SH3RF1: variants seen among roughly 807,000 people sequenced by gnomAD.
The protein encoded by SH3RF1 is E3 ubiquitin-protein ligase SH3RF1.
A neutral mutation model predicts 74.0 loss-of-function variants in SH3RF1; 32 were observed. The observed-to-expected ratio is 0.43, with a 90% CI of 0.33 to 0.58. The LOEUF is 0.58. Ranked by LOEUF, SH3RF1 falls within the 20% of genes least tolerant of loss-of-function variation. The probability of loss-of-function intolerance (pLI) is 0.05; values close to 1 mark genes in which losing one functional copy is unlikely to be tolerated. For missense variants in SH3RF1, 954 were observed against 1,130.9 expected, an observed-to-expected ratio of 0.84 and a Z score of 2.24; for synonymous variants, 396 against 439.6, an observed-to-expected ratio of 0.90 and a Z score of 1.24.
chr4:169,180,975 C>T (rs760121780), intron 2 of SH3RF1, among the ~76,000 whole-genome samples: 3 of 152,192 alleles, frequency 2.0e-5, no homozygotes, highest in Non-Finnish European at 4.4e-5. Flanking sequence ...TTTCTTTTCT[C>T]TTTACTCACA....
At chr4:169,161,477 T>G (rs1446263677) in intron 2 of SH3RF1, among the ~76,000 whole-genome samples, 2 of 152,222 alleles carry the variant, frequency 1.3e-5, no homozygotes, top group Non-Finnish European at 2.9e-5. Context: ...GGTATTCCAA[T>G]ACATCTGGCA....
At chr4:169,182,751 C>T (rs1036716900) in intron 2 of SH3RF1, among the ~76,000 whole-genome samples, 13 of 151,926 alleles carry the variant, frequency 8.6e-5, no homozygotes, top group Non-Finnish European at 1.6e-4. Context: ...GTGTAAAGAA[C>T]GATACACTGA....
In SH3RF1 at chr4:169,107,010, C is replaced by T. The variant is rs760639487; in HGVS notation, c.2335G>A (p.Gly779Arg). 18 of 1,613,794 alleles carry T rather than the reference C, an allele frequency of 1.1e-5. No homozygotes were observed. Among genetic ancestry groups the T allele is most frequent in the South Asian group, 4.4e-5 (4 of 91,078 alleles). Reference protein sequence around the residue: ...RAGSCPVDGDGPVTTAVAGAA... With the variant: ...RAGSCPVDGDRPVTTAVAGAA... ...CCTGCCACTGCAGTCGTGACCGGTC[C>T]GTCCCCGTCCACAGGGCAGGAGCCT... The change falls in exon 11 of 12, where the codon GGA becomes AGA. Residue 779 changes from glycine to arginine, a missense_variant. Gly to Arg is a moderately radical substitution (Grantham distance 125). Transcript: ENST00000284637.
chr4:169,263,156 C>T (rs550569185), intron 2 of SH3RF1, among the ~76,000 whole-genome samples: 3 of 152,274 alleles, frequency 2.0e-5, no homozygotes, highest in South Asian at 4.2e-4. Context: ...CTCCTTTGTC[C>T]GTCAGTGTTT....
chr4:169,255,136 A>G (rs2110750854), intron 2 of SH3RF1, among the ~76,000 whole-genome samples: 1 of 152,334 alleles, frequency 6.6e-6, no homozygotes, highest in African/African-American at 2.4e-5. Context: ...TTTAGAAGAG[A>G]CTTTCTAAAA....
intron 11 of SH3RF1, among the ~76,000 whole-genome samples, chr4:169,103,187 T>G (rs751409013): frequency 2.0e-4 from 30 of 150,082 alleles, no homozygotes; most frequent in Non-Finnish European, 3.8e-4. Flanking sequence ...CCACCCACCT[T>G]GGCCTCCCAA....
chr4:169,116,758 T>A (rs1177454414), intron 9 of SH3RF1, 128 bp from the exon 10 acceptor site: 2 of 1,272,260 alleles, frequency 1.6e-6, no homozygotes, highest in African/African-American at 3.0e-5. Flanking sequence ...ACAATAAAGA[T>A]GGGATGGACG....
rs1185019037 is a variant in SH3RF1, at chr4:169,203,680, TTTGG to T, written c.394-47005_394-47002del. Reference sequence around the variant, plus strand: ...AAAAGAATGTAAGCTGTTTTGCTTGTTTGGTTGAAGATACACTTATACCTAGAAC... The same window carrying T: ...AAAAGAATGTAAGCTGTTTTGCTTGTTTGAAGATACACTTATACCTAGAAC... On this transcript the variant is annotated intron_variant, in intron 2 of 11. Transcript: ENST00000284637. Among the ~76,000 whole-genome samples the T allele has an allele frequency of 6.6e-5, 10 of 152,324 alleles. No individual in the cohort carries two copies. In the East Asian group the frequency reaches 1.7e-3, roughly 26 times the overall value.
chr4:169,152,874 G>A (rs551544003), intron 4 of SH3RF1, among the ~76,000 whole-genome samples: 42 of 152,326 alleles, frequency 2.8e-4, no homozygotes, highest in Non-Finnish European at 5.4e-4. Flanking sequence ...AGGACAGGAA[G>A]AGAGGGCAAA....
chr4:169,255,828 C>T (rs1385646729), intron 2 of SH3RF1, among the ~76,000 whole-genome samples: 8 of 151,788 alleles, frequency 5.3e-5, no homozygotes, highest in Non-Finnish European at 8.8e-5. Flanking sequence ...AGTGCAGTGG[C>T]GTGATCATGG....
Position 169,094,689 on chromosome 4 carries a change from C to T in SH3RF1, c.*1830G>A, listed in dbSNP as rs570225926. The T allele has an allele frequency of 3.3e-5, 5 of 151,918 alleles. No individual in the cohort carries two copies. The South Asian group carries it at 1.0e-3, about 32-fold the overall frequency. The allele number at this position is 151,918 out of a possible 1,614,324, so 9.4% of individuals were successfully genotyped here. On this transcript the variant is annotated 3_prime_UTR_variant, in exon 12 of 12. Coordinates refer to ENST00000284637, the MANE Select transcript of SH3RF1 (RefSeq NM_020870.4). ...TGCCAGCTTTTTCCTAACTAAAGTT[C>T]ATTTCACCAAACCTTTATATATTAC...
In SH3RF1 at chr4:169,269,140, C is replaced by T; in HGVS notation, c.73G>A (p.Val25Ile). 6.2e-7 allele frequency: 1 copy of T among 1,613,464 alleles called. No homozygotes were observed. The change falls in exon 2 of 12, where the codon GTC becomes ATC. Residue 25 changes from valine (V) to isoleucine (I), a missense_variant. Transcript: ENST00000284637. The stretch of plus-strand genomic sequence containing the variant: ...CAAAACGTATGCTGGCAAGGCAAGA[C>T]CTTCGCAGAAGCATCAAGGCGCTCT... ...CLERLDASAK[V>I]LPCQHTFCKR...
At chr4:169,213,639 T>C (rs1214037987) in intron 2 of SH3RF1, among the ~76,000 whole-genome samples, 8 of 152,216 alleles carry the variant, frequency 5.3e-5, no homozygotes, top group Non-Finnish European at 1.0e-4. Flanking sequence ...TGGAGTTTCA[T>C]AGTTTTGTGT....
chr4:169,172,608 G>A (rs1320529982), intron 2 of SH3RF1, among the ~76,000 whole-genome samples: 1 of 152,182 alleles, frequency 6.6e-6, no homozygotes, highest in Non-Finnish European at 1.5e-5. Flanking sequence ...ATGGGGCTAA[G>A]TTGACAAGGG....
chr4:169,156,828 T>C, intron 2 of SH3RF1, 149 bp from the exon 3 acceptor site: 1 of 706,000 alleles, frequency 1.4e-6, no homozygotes, highest in East Asian at 2.7e-5. Flanking sequence ...AATATATATG[T>C]GTTACCAATA....
intron 2 of SH3RF1, among the ~76,000 whole-genome samples, chr4:169,212,021 A>G (rs1730382944): frequency 1.3e-5 from 2 of 150,252 alleles, no homozygotes; most frequent in Admixed American, 1.3e-4. Flanking sequence ...AGGTTTCTAT[A>G]AGATCTTGTT....
At chr4:169,122,014 ATGTCAGAAAGG>A (rs1733443684) in intron 7 of SH3RF1, 75 bp downstream of exon 7, 2 of 1,545,394 alleles carry the variant, frequency 1.3e-6, no homozygotes, top group Non-Finnish European at 1.8e-6. Context: ...TCATCAGCTC[ATGTCAGAAAGG>A]TGTTTCTTGA....
chr4:169,260,115 AGGAGAGC>A (rs1561067302), intron 2 of SH3RF1, among the ~76,000 whole-genome samples: 1 of 152,204 alleles, frequency 6.6e-6, no homozygotes, highest in Non-Finnish European at 1.5e-5. Context: ...AGGTGTGCAA[AGGAGAGC>A]TGGGGGCTCG....
intron 4 of SH3RF1, among the ~76,000 whole-genome samples, chr4:169,147,351 A>C (rs1733911177): frequency 6.6e-6 from 1 of 152,216 alleles, no homozygotes; most frequent in East Asian, 1.9e-4. Flanking sequence ...ATTCTAAGTG[A>C]AAATTTGTCA....
Sources: gnomAD v4.1 joint callset for allele counts (sites outside exome capture counted in the v4.1 genomes callset) on GRCh38, gnomAD v4.1.1 for gene constraint, MANE v1.5 for transcripts, NCBI Gene and HGNC (gene_info 2026-07-23, HGNC 2026-07-21) for gene names.